The following TRAF3 variants were observed in gnomAD, a reference collection of about 807,000 sequenced individuals.
The protein encoded by TRAF3 is TNF receptor-associated factor 3.
In TRAF3, 13 loss-of-function variants were observed where a neutral mutation model predicts 62.3. That is an observed-to-expected ratio of 0.21 (90% CI 0.14 to 0.33). The LOEUF (loss-of-function observed/expected upper bound fraction) is 0.33, where lower values mean the gene tolerates loss of function less well. Ranked by LOEUF, TRAF3 falls within the 10% of genes least tolerant of loss-of-function variation. The pLI is 1.00. For missense variants in TRAF3, 440 were observed against 741.8 expected (o/e 0.59, Z 4.73); for synonymous variants, 269 against 283.4 (o/e 0.95, Z 0.51).
chr14:102,814,555 C>T (rs184763681), intron 1 of TRAF3, among the ~76,000 whole-genome samples: 16 of 152,186 alleles, frequency 1.1e-4, no homozygotes, highest in Admixed American at 2.6e-4. Context: ...GGTCTCACTT[C>T]GTTATCTAGG....
At chr14:102,824,071 T>C (rs771509358) in intron 1 of TRAF3, among the ~76,000 whole-genome samples, 5 of 152,268 alleles carry the variant, frequency 3.3e-5, no homozygotes, top group African/African-American at 7.2e-5. Context: ...TGAACATTCA[T>C]GTACAGGTTT....
At chr14:102,900,402 G>A (rs1376021744) in intron 10 of TRAF3, among the ~76,000 whole-genome samples, 1 of 152,258 alleles carries the variant, frequency 6.6e-6, no homozygotes, top group Non-Finnish European at 1.5e-5. Context: ...TCGGGAGGCT[G>A]AGGCAGAAGA....
intron 2 of TRAF3, among the ~76,000 whole-genome samples, chr14:102,857,117 C>G (rs973741649): frequency 6.6e-6 from 1 of 152,168 alleles, no homozygotes; most frequent in Non-Finnish European, 1.5e-5. Context: ...ACTGATACAT[C>G]GGGTTGCTAG....
intron 7 of TRAF3, among the ~76,000 whole-genome samples, chr14:102,886,510 C>G (rs1889398769): frequency 6.6e-6 from 1 of 152,128 alleles, no homozygotes; most frequent in South Asian, 2.1e-4. Context: ...AATCCCAGCA[C>G]TTTTGGAGGC....
At chr14:102,849,877 T>C (rs1886935666) in intron 2 of TRAF3, among the ~76,000 whole-genome samples, 2 of 152,250 alleles carry the variant, frequency 1.3e-5, no homozygotes, top group African/African-American at 2.4e-5. Context: ...TTGGCATCAC[T>C]TGGACGATAC....
intron 1 of TRAF3, among the ~76,000 whole-genome samples, chr14:102,820,589 TA>T (rs2139573518): frequency 3.1e-4 from 2 of 6,402 alleles, no homozygotes; most frequent in African/African-American, 1.5e-3. Context: ...TATATATATA[TA>T]TATATATATA....
chr14:102,896,400 G>A (rs557263967), intron 9 of TRAF3, among the ~76,000 whole-genome samples: 15 of 152,186 alleles, frequency 9.9e-5, no homozygotes, highest in African/African-American at 2.9e-4. Flanking sequence ...AGAGTGCATC[G>A]TGTTTGCCTT....
At chr14:102,846,922 A>G (rs61541161) in intron 2 of TRAF3, among the ~76,000 whole-genome samples, 36 of 152,316 alleles carry the variant, frequency 2.4e-4, no homozygotes, top group African/African-American at 8.4e-4. Flanking sequence ...AGTTCTGGCA[A>G]TGCTCCATCC....
rs537347688 is a variant in TRAF3, at chr14:102,782,522, C to T, written c.-157+4847C>T. ...TGCTGGGATTACAGGCGTGAGCCAC[C>T]GCACCCTGTCTTGGCTCTAAAATTT... On this transcript the variant is annotated intron_variant, in intron 1 of 11. Transcript: ENST00000392745. Among the ~76,000 whole-genome samples, 6 of 152,220 alleles carry T rather than the reference C, an allele frequency of 3.9e-5. No individual in the cohort carries two copies. The East Asian group carries it at 5.8e-4, about 15-fold the overall frequency.
At position 102,905,876 on chromosome 14, in the gene TRAF3, G is replaced by A; in HGVS notation, c.*92G>A. ...CACTGAGGTCCTCGCGCTCAGAAAA[G>A]GACCTTGTGAGACGGAGGAAGCGGC... On this transcript the variant is annotated 3_prime_UTR_variant, in exon 12 of 12. Transcript: ENST00000392745. The A allele has an allele frequency of 8.1e-7, 1 of 1,233,914 alleles. No individual in the cohort carries two copies. Among genetic ancestry groups the A allele is most frequent in the Non-Finnish European group, 1.1e-6 (1 of 880,720 alleles). The allele number at this position is 1,233,914 out of a possible 1,614,324, so 76.4% of individuals were successfully genotyped here.
intron 1 of TRAF3, among the ~76,000 whole-genome samples, chr14:102,828,473 C>CA (rs1900461235): frequency 6.6e-6 from 1 of 152,186 alleles, no homozygotes; most frequent in Admixed American, 6.5e-5. Flanking sequence ...GCATGTCCTG[C>CA]AGCAGCTCTG....
intron 1 of TRAF3, among the ~76,000 whole-genome samples, chr14:102,824,744 A>G (rs1224514948): frequency 6.6e-6 from 1 of 152,220 alleles, no homozygotes; most frequent in Non-Finnish European, 1.5e-5. Flanking sequence ...TTTCATTACT[A>G]CTATTTAATA....
intron 2 of TRAF3, among the ~76,000 whole-genome samples, chr14:102,844,149 T>A (rs1402561411): frequency 6.6e-6 from 1 of 152,276 alleles, no homozygotes; most frequent in Non-Finnish European, 1.5e-5. Context: ...ATACATATGT[T>A]GTCATGTGTT....
intron 1 of TRAF3, among the ~76,000 whole-genome samples, chr14:102,798,610 A>T (rs1452964897): frequency 1.3e-5 from 2 of 152,044 alleles, no homozygotes; most frequent in East Asian, 3.9e-4. Context: ...ACTGCACTCC[A>T]GTCTGGGCGA....
chr14:102,837,653 AG>A (rs1886109264), intron 2 of TRAF3, among the ~76,000 whole-genome samples: 1 of 151,720 alleles, frequency 6.6e-6, no homozygotes, highest in Non-Finnish European at 1.5e-5. Flanking sequence ...AAAAAAAAAA[AG>A]ATACTTGGTT....
At chr14:102,872,256 G>A (rs1309756170) in intron 4 of TRAF3, among the ~76,000 whole-genome samples, 1 of 152,208 alleles carries the variant, frequency 6.6e-6, no homozygotes, top group African/African-American at 2.4e-5. Flanking sequence ...GAGGAGTAAG[G>A]GGTTGATGTG....
At chr14:102,839,349 G>A (rs1000615198) in intron 2 of TRAF3, among the ~76,000 whole-genome samples, 14 of 150,234 alleles carry the variant, frequency 9.3e-5, no homozygotes, top group Non-Finnish European at 1.8e-4. Flanking sequence ...CTTCTGAGTA[G>A]CTGGGACTAC....
At chr14:102,829,533 G>A (rs188207135) in intron 1 of TRAF3, among the ~76,000 whole-genome samples, 1 of 152,316 alleles carries the variant, frequency 6.6e-6, no homozygotes, top group African/African-American at 2.4e-5. Flanking sequence ...GAAGGGGCTG[G>A]CTCATCTGTA....
intron 1 of TRAF3, among the ~76,000 whole-genome samples, chr14:102,788,665 G>A (rs1393455918): frequency 3.3e-5 from 5 of 152,204 alleles, no homozygotes; most frequent in African/African-American, 9.6e-5. Flanking sequence ...GGGCGTGGTG[G>A]CGCATGCCTC....
Sources: allele counts gnomAD v4.1 joint callset (sites outside exome capture counted in the v4.1 genomes callset), GRCh38; gene constraint gnomAD v4.1.1; transcripts MANE v1.5; gene names NCBI Gene and HGNC (gene_info 2026-07-23, HGNC 2026-07-21).